The following SEMA6D variants were observed in gnomAD, a reference collection of about 807,000 sequenced individuals.
SEMA6D encodes semaphorin-6D.
In SEMA6D, 35 loss-of-function variants were observed where a neutral mutation model predicts 106.6. That is an observed-to-expected ratio of 0.33 (90% CI 0.25 to 0.44). The LOEUF (loss-of-function observed/expected upper bound fraction) is 0.44. Among genes scored for constraint, SEMA6D ranks in the 20% least tolerant of loss-of-function variants. SEMA6D has a pLI of 1.00. For synonymous variants in SEMA6D, 499 were observed against 487.7 expected, an observed-to-expected ratio of 1.02 and a Z score of -0.31; for missense variants, 1,185 against 1,345.9, an observed-to-expected ratio of 0.88 and a Z score of 1.87.
chr15:47,612,832 G>A (rs929251404), intron 4 of SEMA6D, among the ~76,000 whole-genome samples: 1 of 151,996 alleles, frequency 6.6e-6, no homozygotes, highest in Non-Finnish European at 1.5e-5. Flanking sequence ...TAAATGAAAT[G>A]ATATCAAACA....
intron 4 of SEMA6D, among the ~76,000 whole-genome samples, chr15:47,650,257 C>T (rs991798367): frequency 6.6e-6 from 1 of 152,226 alleles, no homozygotes; most frequent in Non-Finnish European, 1.5e-5. Flanking sequence ...GGACTGGACA[C>T]TATCTCATCT....
chr15:47,544,362 G>A (rs547742593), intron 3 of SEMA6D, among the ~76,000 whole-genome samples: 7 of 152,156 alleles, frequency 4.6e-5, no homozygotes, highest in Non-Finnish European at 8.8e-5. Context: ...AATAACTGTC[G>A]TTATCATCTA....
At chr15:47,531,484 C>T (rs2044963636) in intron 3 of SEMA6D, among the ~76,000 whole-genome samples, 1 of 152,156 alleles carries the variant, frequency 6.6e-6, no homozygotes, top group Admixed American at 6.5e-5. Flanking sequence ...TTGGCAGATG[C>T]TATTTTAAAA....
chr15:47,672,992 C>T (rs1451908379), intron 4 of SEMA6D, among the ~76,000 whole-genome samples: 6 of 152,058 alleles, frequency 3.9e-5, no homozygotes, highest in Admixed American at 6.5e-5. Flanking sequence ...CTGGTGCCTA[C>T]GGCAGAAAGA....
intron 4 of SEMA6D, among the ~76,000 whole-genome samples, chr15:47,647,719 C>CAAAAAAAAAAAAAAAAAAAA (rs777557315): frequency 1.3e-3 from 122 of 93,764 alleles, no homozygotes; most frequent in South Asian, 3.1e-3. Context: ...CAATTGTGGG[C>CAAAAAAAAAAAAAAAAAAAA]AAAAAAAAAA....
intron 1 of SEMA6D, among the ~76,000 whole-genome samples, chr15:47,347,012 G>T (rs2056887384): frequency 6.6e-6 from 1 of 151,838 alleles, no homozygotes; most frequent in African/African-American, 2.4e-5. Context: ...GGGTTCAAGC[G>T]ATTCTTGCAC....
intron 1 of SEMA6D, among the ~76,000 whole-genome samples, chr15:47,373,839 G>A (rs2039359035): frequency 6.6e-6 from 1 of 152,102 alleles, no homozygotes; most frequent in Non-Finnish European, 1.5e-5. Flanking sequence ...CCTAGCTTTT[G>A]AACAAACAAT....
chr15:47,515,113 G>A (rs955649136), intron 3 of SEMA6D, among the ~76,000 whole-genome samples: 1 of 152,236 alleles, frequency 6.6e-6, no homozygotes, highest in Non-Finnish European at 1.5e-5. Context: ...TTGACTTACG[G>A]CTTTTTCATT....
At chr15:47,759,697 C>T (rs574092121) in intron 1 of SEMA6D, 48 bp from the exon 2 acceptor site, 33 of 822,532 alleles carry the variant, frequency 4.0e-5, no homozygotes, top group African/African-American at 2.3e-4. Context: ...ACAAGAAAAC[C>T]GCTTCATTGC....
chr15:47,285,657 G>T (rs2035330117), intron 1 of SEMA6D, among the ~76,000 whole-genome samples: 1 of 152,160 alleles, frequency 6.6e-6, no homozygotes, highest in South Asian at 2.1e-4. Context: ...CTGAAGGGTA[G>T]ACAACGAGAA....
At chr15:47,601,384 G>A (rs1365743359) in intron 4 of SEMA6D, among the ~76,000 whole-genome samples, 1 of 152,084 alleles carries the variant, frequency 6.6e-6, no homozygotes, top group African/African-American at 2.4e-5. Context: ...AACTTTCCAG[G>A]AGTATCTGTA....
intron 1 of SEMA6D, among the ~76,000 whole-genome samples, chr15:47,271,914 G>T (rs930765873): frequency 6.6e-6 from 1 of 152,120 alleles, no homozygotes; most frequent in South Asian, 2.1e-4. Context: ...GTAGGGGTTT[G>T]TATGACCCAA....
At chr15:47,487,486 G>C (rs1432972911) in intron 3 of SEMA6D, among the ~76,000 whole-genome samples, 1 of 152,186 alleles carries the variant, frequency 6.6e-6, no homozygotes, top group African/African-American at 2.4e-5. Flanking sequence ...GTATGAGACT[G>C]TGTATGCATA....
intron 4 of SEMA6D, among the ~76,000 whole-genome samples, chr15:47,702,548 C>T (rs999565221): frequency 6.6e-6 from 1 of 152,170 alleles, no homozygotes; most frequent in South Asian, 2.1e-4. Context: ...AAACTTATGT[C>T]CACGCAAAAA....
chr15:47,457,185 G>C (rs545854420), intron 2 of SEMA6D, among the ~76,000 whole-genome samples: 1 of 152,020 alleles, frequency 6.6e-6, no homozygotes, highest in African/African-American at 2.4e-5. Context: ...TATAAGCAAG[G>C]CTTGAAAAGC....
chr15:47,251,896 T>A (rs1289336612), intron 1 of SEMA6D, among the ~76,000 whole-genome samples: 1 of 150,570 alleles, frequency 6.6e-6, no homozygotes, highest in African/African-American at 2.4e-5. Context: ...TTTTATCCAC[T>A]TTCTAATTGG....
At chr15:47,742,637 G>A (rs2080887368) in intron 1 of SEMA6D, among the ~76,000 whole-genome samples, 1 of 152,166 alleles carries the variant, frequency 6.6e-6, no homozygotes, top group African/African-American at 2.4e-5. Flanking sequence ...TGATCTGAAG[G>A]GTGTCTGGGA....
rs60808407 is a variant in SEMA6D at position 47,375,626 on chromosome 15, G to A, written c.-238-36767G>A. Among the ~76,000 whole-genome samples, 898 of 152,142 alleles carry A rather than the reference G, an allele frequency of 5.9e-3. 5 individuals carry two copies. The highest frequency in any genetic ancestry group is 0.049 in the East Asian group (253 of 5,174). On this transcript the variant is annotated intron_variant, in intron 1 of 19. Transcript: ENST00000558014. ...TAAAAAGCCAAACTCAGTTTTCCAG[G>A]ATTTTAGCAAAAAATTCATCTATTG... is the stretch of plus-strand genomic sequence containing the variant.
At chr15:47,637,430 C>G (rs1596498960) in intron 4 of SEMA6D, among the ~76,000 whole-genome samples, 1 of 152,184 alleles carries the variant, frequency 6.6e-6, no homozygotes, top group East Asian at 1.9e-4. Flanking sequence ...AAGATTAGGG[C>G]TCCAAGGTAA....
Sources: gnomAD v4.1 joint callset for allele counts (sites outside exome capture counted in the v4.1 genomes callset) on GRCh38, gnomAD v4.1.1 for gene constraint, MANE v1.5 for transcripts, NCBI Gene and HGNC (gene_info 2026-07-23, HGNC 2026-07-21) for gene names.